The following MAGI2 variants were observed in gnomAD, a reference collection of about 807,000 sequenced individuals.
MAGI2 encodes the protein membrane associated guanylate kinase, WW and PDZ domain containing 2, also known as membrane-associated guanylate kinase, WW and PDZ domain-containing protein 2.
A neutral mutation model predicts 133.3 loss-of-function variants in MAGI2; 35 were observed. The observed-to-expected ratio is 0.26, with a 90% CI of 0.20 to 0.35. The LOEUF (loss-of-function observed/expected upper bound fraction) is 0.35. Among genes scored for constraint, MAGI2 ranks in the 10% least tolerant of loss-of-function variants. MAGI2 has a pLI of 1.00. For synonymous variants in MAGI2, 729 were observed against 710.6 expected, an observed-to-expected ratio of 1.03 and a Z score of -0.41; for missense variants, 1,636 against 1,863.4, an observed-to-expected ratio of 0.88 and a Z score of 2.25.
At chr7:78,781,150 G>A (rs1242236988) in intron 2 of MAGI2, among the ~76,000 whole-genome samples, 3 of 151,924 alleles carry the variant, frequency 2.0e-5, no homozygotes, top group Non-Finnish European at 4.4e-5. Flanking sequence ...AGGCTGAGGC[G>A]GGCAGATCAC....
At chr7:78,382,294 T>C (rs1016971167) in intron 6 of MAGI2, among the ~76,000 whole-genome samples, 2 of 152,098 alleles carry the variant, frequency 1.3e-5, no homozygotes, top group Admixed American at 1.3e-4. Flanking sequence ...AGAAAGGGAA[T>C]GAGACTTCTC....
intron 6 of MAGI2, among the ~76,000 whole-genome samples, chr7:78,375,361 G>A (rs753307325): frequency 3.3e-5 from 5 of 152,076 alleles, no homozygotes; most frequent in South Asian, 4.2e-4. Flanking sequence ...CTTGGGAGGC[G>A]GTGTCTTGTA....
rs145608456 is a variant in MAGI2, at chr7:79,040,188, A to G, written c.302-32982T>C. ...AGTTCTCATAGTATCTGATGGTTTC[A>G]TAAGGGGCCCTTCCTCCTTCACTCG... On this transcript the variant is annotated intron_variant, in intron 1 of 21. Transcript: ENST00000354212. 1.3e-4 allele frequency among the ~76,000 whole-genome samples: 19 copies of G among 151,686 alleles called. No individual in the cohort carries two copies. The East Asian group carries it at 3.6e-3, about 28-fold the overall frequency.
intron 1 of MAGI2, among the ~76,000 whole-genome samples, chr7:79,129,047 T>A (rs1455419009): frequency 6.6e-6 from 1 of 152,092 alleles, no homozygotes; most frequent in Non-Finnish European, 1.5e-5. Context: ...ATTTTTGTAT[T>A]TTTAGCAGAA....
chr7:78,966,490 C>A (rs572006528), intron 2 of MAGI2, among the ~76,000 whole-genome samples: 13 of 152,164 alleles, frequency 8.5e-5, no homozygotes, highest in African/African-American at 2.4e-4. Flanking sequence ...TCCATGTTAT[C>A]CTATATGGCA....
At chr7:78,422,484 G>C (rs948920223) in intron 6 of MAGI2, among the ~76,000 whole-genome samples, 8 of 151,498 alleles carry the variant, frequency 5.3e-5, no homozygotes, top group African/African-American at 1.9e-4. Flanking sequence ...AATCTTGCCT[G>C]AGTTTCTTTT....
chr7:78,756,828 A>AT (rs1823993558), intron 2 of MAGI2, among the ~76,000 whole-genome samples: 2 of 151,878 alleles, frequency 1.3e-5, no homozygotes, highest in Admixed American at 6.6e-5. Context: ...ATTCACCTTT[A>AT]TTTTTTTGCT....
At chr7:78,372,326 A>C (rs1794000931) in intron 6 of MAGI2, among the ~76,000 whole-genome samples, 1 of 152,180 alleles carries the variant, frequency 6.6e-6, no homozygotes, top group Non-Finnish European at 1.5e-5. Flanking sequence ...GTGAAAATTA[A>C]GCTATTTGGA....
At chr7:78,706,788 G>C (rs1322367804) in intron 2 of MAGI2, among the ~76,000 whole-genome samples, 1 of 152,040 alleles carries the variant, frequency 6.6e-6, no homozygotes, top group Non-Finnish European at 1.5e-5. Flanking sequence ...ACAATGCATA[G>C]GACTGTTTTT....
At chr7:78,796,401 C>T (rs1787616055) in intron 2 of MAGI2, among the ~76,000 whole-genome samples, 1 of 152,064 alleles carries the variant, frequency 6.6e-6, no homozygotes, top group African/African-American at 2.4e-5. Flanking sequence ...CATCACTAAT[C>T]ATCAGGTAAA....
At chr7:79,421,412 T>C (rs981426232) in intron 1 of MAGI2, among the ~76,000 whole-genome samples, 3 of 151,954 alleles carry the variant, frequency 2.0e-5, no homozygotes, top group Admixed American at 1.3e-4. Context: ...AATAAGACAT[T>C]AGGGTGTGAC....
intron 2 of MAGI2, among the ~76,000 whole-genome samples, chr7:78,667,221 C>T (rs998450968): frequency 6.6e-6 from 1 of 151,910 alleles, no homozygotes; most frequent in Non-Finnish European, 1.5e-5. Flanking sequence ...CTCATGTTGT[C>T]CTTTTATGTC....
At chr7:78,883,690 C>G (rs1204371287) in intron 2 of MAGI2, among the ~76,000 whole-genome samples, 1 of 151,430 alleles carries the variant, frequency 6.6e-6, no homozygotes, top group African/African-American at 2.4e-5. Flanking sequence ...CCTGTGGAAC[C>G]AAATAGAGCC....
At chr7:78,871,107 G>A (rs1002586057) in intron 2 of MAGI2, among the ~76,000 whole-genome samples, 1 of 152,046 alleles carries the variant, frequency 6.6e-6, no homozygotes, top group Non-Finnish European at 1.5e-5. Flanking sequence ...TCAGGAGATC[G>A]AGATCATCTT....
chr7:78,905,136 C>A (rs1797902576), intron 2 of MAGI2, among the ~76,000 whole-genome samples: 1 of 152,170 alleles, frequency 6.6e-6, no homozygotes, highest in Admixed American at 6.5e-5. Context: ...GAGTTTCAAA[C>A]CTTTATCATT....
intron 2 of MAGI2, among the ~76,000 whole-genome samples, chr7:78,951,206 T>C (rs1345079137): frequency 6.6e-6 from 1 of 151,962 alleles, no homozygotes; most frequent in African/African-American, 2.4e-5. Context: ...CTCCCAACCT[T>C]AAGTGATCCA....
intron 2 of MAGI2, among the ~76,000 whole-genome samples, chr7:78,919,278 T>A (rs1371183684): frequency 6.6e-6 from 1 of 152,124 alleles, no homozygotes; most frequent in Admixed American, 6.6e-5. Flanking sequence ...TCTTTAAGCA[T>A]GTAGAAGAGT....
intron 2 of MAGI2, among the ~76,000 whole-genome samples, chr7:78,696,216 G>T (rs944719204): frequency 6.6e-6 from 1 of 152,252 alleles, no homozygotes. Context: ...GGGATTACAG[G>T]CATGAACCAC....
intron 6 of MAGI2, among the ~76,000 whole-genome samples, chr7:78,459,198 T>C (rs2151504372): frequency 6.6e-6 from 1 of 152,360 alleles, no homozygotes; most frequent in East Asian, 1.9e-4. Context: ...CCTTGAGATA[T>C]GGCAAGGCAA....
Sources: gnomAD v4.1 joint callset for allele counts (sites outside exome capture counted in the v4.1 genomes callset) on GRCh38, gnomAD v4.1.1 for gene constraint, MANE v1.5 for transcripts, NCBI Gene and HGNC (gene_info 2026-07-23, HGNC 2026-07-21) for gene names.